PRKG1: variants seen among roughly 807,000 people sequenced by gnomAD.
The protein encoded by PRKG1 is cGMP-dependent protein kinase 1.
Under a neutral mutation model 88.1 loss-of-function variants are expected in PRKG1, and 35 were observed. The observed-to-expected ratio is 0.40, with a 90% confidence interval of 0.30 to 0.53. The LOEUF (loss-of-function observed/expected upper bound fraction) is 0.53. Among genes scored for constraint, PRKG1 ranks in the 20% least tolerant of loss-of-function variants. PRKG1 has a pLI of 0.59. For synonymous variants in PRKG1, 303 were observed against 292.5 expected (o/e 1.04, Z -0.37); for missense variants, 540 against 839.8 (o/e 0.64, Z 4.41).
At chr10:51,309,684 G>A (rs1841134241) in intron 2 of PRKG1, among the ~76,000 whole-genome samples, 1 of 152,046 alleles carries the variant, frequency 6.6e-6, no homozygotes, top group African/African-American at 2.4e-5. Flanking sequence ...AAACAGTTTG[G>A]AGATTTCTCA....
intron 2 of PRKG1, among the ~76,000 whole-genome samples, chr10:51,270,156 TATTA>T (rs79657962): frequency 0.11 from 16,960 of 152,134 alleles, 1,301 homozygotes; most frequent in African/African-American, 0.22. Flanking sequence ...AATTTCACAG[TATTA>T]ATTATTAATA....
At chr10:51,409,290 G>C (rs1036873393) in intron 2 of PRKG1, among the ~76,000 whole-genome samples, 1 of 152,292 alleles carries the variant, frequency 6.6e-6, no homozygotes, top group Non-Finnish European at 1.5e-5. Context: ...ATGCAGGCTG[G>C]GGGAGAGAAG....
intron 2 of PRKG1, among the ~76,000 whole-genome samples, chr10:51,276,747 A>G (rs1469546875): frequency 3.3e-5 from 5 of 152,140 alleles, no homozygotes; most frequent in East Asian, 1.9e-4. Context: ...GTGTCTGTCG[A>G]CTGCATAAAT....
intron 7 of PRKG1, among the ~76,000 whole-genome samples, chr10:52,067,168 G>T (rs1284053137): frequency 1.3e-5 from 2 of 151,848 alleles, no homozygotes; most frequent in Non-Finnish European, 2.9e-5. Context: ...ATATCCTTTG[G>T]GTAATAGCTA....
intron 2 of PRKG1, among the ~76,000 whole-genome samples, chr10:51,218,569 C>CAT (rs372292970): frequency 5.2e-5 from 6 of 115,248 alleles, no homozygotes; most frequent in Non-Finnish European, 1.1e-4. Flanking sequence ...ATGTATTTGG[C>CAT]ATATATATAT....
intron 2 of PRKG1, among the ~76,000 whole-genome samples, chr10:51,431,840 G>T (rs1275192038): frequency 6.6e-6 from 1 of 151,844 alleles, no homozygotes; most frequent in Non-Finnish European, 1.5e-5. Context: ...ACAATAATTT[G>T]TTAGTTTGTT....
intron 5 of PRKG1, among the ~76,000 whole-genome samples, chr10:51,930,090 T>C (rs2133001195): frequency 6.6e-6 from 1 of 152,344 alleles, no homozygotes; most frequent in African/African-American, 2.4e-5. Context: ...TCCTTCCTTC[T>C]AAGGCTGAAT....
intron 11 of PRKG1, 144 bp from the exon 12 acceptor site, chr10:52,272,248 C>A: frequency 1.9e-6 from 1 of 539,026 alleles, no homozygotes; most frequent in Non-Finnish European, 3.2e-6. Flanking sequence ...GGCTTCTTTT[C>A]CCCATGTGTG....
chr10:51,490,996 G>A (rs1424230695), intron 3 of PRKG1, among the ~76,000 whole-genome samples: 2 of 151,984 alleles, frequency 1.3e-5, no homozygotes, highest in Non-Finnish European at 2.9e-5. Flanking sequence ...GAAAAGTGAG[G>A]CCCTACATCA....
chr10:51,619,242 G>A lies in PRKG1; in HGVS notation c.592+151406G>A, dbSNP rs142769407. On this transcript the variant is annotated intron_variant, in intron 3 of 17. Coordinates refer to ENST00000373980, the MANE Select transcript of PRKG1 (RefSeq NM_006258.4). Reference sequence around the variant, plus strand: ...GGTAATTGAAGGTTTCAAGGAAAAGGGGTAGCTGAAGAAATCAATGTCCCA... The same window carrying A: ...GGTAATTGAAGGTTTCAAGGAAAAGAGGTAGCTGAAGAAATCAATGTCCCA... 8.5e-3 allele frequency among the ~76,000 whole-genome samples: 1,290 copies of A among 152,246 alleles called. 17 individuals carry two copies. The highest frequency in any genetic ancestry group is 0.031 in the Middle Eastern group (9 of 292).
chr10:51,574,867 T>C (rs1324362281), intron 3 of PRKG1, among the ~76,000 whole-genome samples: 1 of 151,966 alleles, frequency 6.6e-6, no homozygotes, highest in Non-Finnish European at 1.5e-5. Context: ...CTCTTGCCTA[T>C]GTGTGTCTAT....
intron 3 of PRKG1, among the ~76,000 whole-genome samples, chr10:51,626,299 A>T (rs1839335838): frequency 6.6e-6 from 1 of 152,176 alleles, no homozygotes; most frequent in South Asian, 2.1e-4. Context: ...TGAAATGTGA[A>T]ATGTACAATT....
At chr10:51,545,378 C>A (rs1206518326) in intron 3 of PRKG1, among the ~76,000 whole-genome samples, 1 of 152,110 alleles carries the variant, frequency 6.6e-6, no homozygotes, top group Non-Finnish European at 1.5e-5. Flanking sequence ...AATTTGTCCT[C>A]ATGGGAATTT....
At chr10:51,645,782 T>C (rs751369055) in intron 3 of PRKG1, among the ~76,000 whole-genome samples, 1 of 152,172 alleles carries the variant, frequency 6.6e-6, no homozygotes. Flanking sequence ...GCAAAATTAG[T>C]ATTACCAGAT....
chr10:51,211,346 T>C (rs371206168), intron 2 of PRKG1, among the ~76,000 whole-genome samples: 14 of 152,202 alleles, frequency 9.2e-5, no homozygotes, highest in African/African-American at 2.9e-4. Context: ...ATGACAAACC[T>C]ACAGCCAATA....
chr10:52,072,519 G>A (rs995298561), intron 7 of PRKG1, among the ~76,000 whole-genome samples: 2 of 152,066 alleles, frequency 1.3e-5, no homozygotes, highest in African/African-American at 4.8e-5. Flanking sequence ...TTCCTACGGG[G>A]CAAGTCAACT....
intron 3 of PRKG1, among the ~76,000 whole-genome samples, chr10:51,755,313 A>G (rs1837830803): frequency 6.6e-6 from 1 of 152,176 alleles, no homozygotes; most frequent in African/African-American, 2.4e-5. Context: ...CTGATGGCTT[A>G]CTAACTCTGC....
At chr10:51,497,101 C>T (rs1840880922) in intron 3 of PRKG1, among the ~76,000 whole-genome samples, 2 of 152,178 alleles carry the variant, frequency 1.3e-5, no homozygotes, top group African/African-American at 2.4e-5. Context: ...GACCCACATA[C>T]AGTACTAGCT....
At chr10:51,833,054 C>T (rs551561202) in intron 4 of PRKG1, among the ~76,000 whole-genome samples, 2 of 152,230 alleles carry the variant, frequency 1.3e-5, no homozygotes, top group South Asian at 4.1e-4. Flanking sequence ...CCCTTTTCTA[C>T]TTAAATGATG....
Sources: gnomAD v4.1 joint callset for allele counts (sites outside exome capture counted in the v4.1 genomes callset) on GRCh38, gnomAD v4.1.1 for gene constraint, MANE v1.5 for transcripts, NCBI Gene and HGNC (gene_info 2026-07-23, HGNC 2026-07-21) for gene names.